CACNB4: variants seen among roughly 807,000 people sequenced by gnomAD.
CACNB4 encodes calcium voltage-gated channel auxiliary subunit beta 4.
A neutral mutation model predicts 71.2 loss-of-function variants in CACNB4; 32 were observed. That is an observed-to-expected ratio of 0.45 (90% CI 0.34 to 0.60). The LOEUF is 0.60. Among genes scored for constraint, CACNB4 ranks in the 20% least tolerant of loss-of-function variants. CACNB4 has a pLI of 0.01. For synonymous variants in CACNB4, 231 were observed against 236.9 expected, an observed-to-expected ratio of 0.97 and a Z score of 0.23; for missense variants, 464 against 647.9, an observed-to-expected ratio of 0.72 and a Z score of 3.08.
chr2:152,087,971 T>C (rs1156889452), intron 2 of CACNB4, among the ~76,000 whole-genome samples: 1 of 152,072 alleles, frequency 6.6e-6, no homozygotes, highest in Non-Finnish European at 1.5e-5. Context: ...TTATATAAAA[T>C]GTCCAGAGTG....
At chr2:152,083,350 AAGGG>A (rs1285558682) in intron 2 of CACNB4, among the ~76,000 whole-genome samples, 4 of 98,964 alleles carry the variant, frequency 4.0e-5, no homozygotes. Flanking sequence ...GGAAGGAAGG[AAGGG>A]AGGAAGGAAG....
At chr2:151,957,333 T>C (rs1461376586) in intron 2 of CACNB4, among the ~76,000 whole-genome samples, 1 of 147,290 alleles carries the variant, frequency 6.8e-6, no homozygotes, top group South Asian at 2.2e-4. Context: ...ATATATTGTG[T>C]TCAATCATTT....
At chr2:152,051,437 CAT>C in intron 2 of CACNB4, among the ~76,000 whole-genome samples, 1 of 152,098 alleles carries the variant, frequency 6.6e-6, no homozygotes, top group East Asian at 1.9e-4. Context: ...CCACAAAATA[CAT>C]ATGTTAAGCC....
At chr2:152,064,412 G>A (rs533151673) in intron 2 of CACNB4, among the ~76,000 whole-genome samples, 4 of 152,210 alleles carry the variant, frequency 2.6e-5, no homozygotes, top group East Asian at 3.9e-4. Flanking sequence ...ACGGAGTCTC[G>A]CTCTGTCACA....
chr2:151,927,312 A>G (rs1440275144), intron 2 of CACNB4, among the ~76,000 whole-genome samples: 1 of 152,228 alleles, frequency 6.6e-6, no homozygotes, highest in African/African-American at 2.4e-5. Flanking sequence ...GAGCAGGCAC[A>G]AGGAGATGAA....
chr2:151,902,023 C>T (rs985701084), intron 2 of CACNB4, among the ~76,000 whole-genome samples: 2 of 130,650 alleles, frequency 1.5e-5, no homozygotes, highest in Admixed American at 8.3e-5. Context: ...GTGGGTAACA[C>T]AACATCACCT....
intron 2 of CACNB4, among the ~76,000 whole-genome samples, chr2:152,074,499 TCAC>T: frequency 6.7e-6 from 1 of 149,472 alleles, no homozygotes. Context: ...CTCTCCGCCA[TCAC>T]CACCATTACC....
intron 2 of CACNB4, among the ~76,000 whole-genome samples, chr2:151,885,213 C>G (rs1417669597): frequency 6.6e-6 from 1 of 152,218 alleles, no homozygotes; most frequent in Non-Finnish European, 1.5e-5. Context: ...ATAGAAGTTA[C>G]TGGACCACTC....
At chr2:151,971,498 C>T (rs1268310253) in intron 2 of CACNB4, 2 of 702,696 alleles carry the variant, frequency 2.8e-6, no homozygotes, top group Non-Finnish European at 5.2e-6. Flanking sequence ...ATCCACCAGA[C>T]CTGTTCCGAG....
At position 151,876,380 on chromosome 2, in the gene CACNB4, C is replaced by T. The variant is rs749783946; in HGVS notation, c.521+46G>A. The T allele has an allele frequency of 2.1e-5, 33 of 1,555,204 alleles. No individual in the cohort carries two copies. In the Admixed American group the frequency reaches 3.2e-4, roughly 15 times the overall value. On this transcript the variant is annotated intron_variant, in intron 5 of 13. Coordinates refer to ENST00000539935, the MANE Select transcript of CACNB4 (RefSeq NM_000726.5). ...AGTATACACCCTTGAAAATATCACC[C>T]AATTTTCTGACCAAAAAAAAGTGCA...
chr2:152,094,261 C>T (rs1159410477), intron 2 of CACNB4, among the ~76,000 whole-genome samples: 1 of 152,150 alleles, frequency 6.6e-6, no homozygotes, highest in Non-Finnish European at 1.5e-5. Context: ...GTTAACTAGG[C>T]AGAAGGAAGG....
intron 2 of CACNB4, among the ~76,000 whole-genome samples, chr2:151,887,181 G>A (rs566903892): frequency 6.6e-6 from 1 of 152,336 alleles, no homozygotes; most frequent in Non-Finnish European, 1.5e-5. Flanking sequence ...AGACCTGATG[G>A]AAGCCCCATG....
At chr2:152,038,577 T>C (rs1684715460) in intron 2 of CACNB4, among the ~76,000 whole-genome samples, 1 of 152,226 alleles carries the variant, frequency 6.6e-6, no homozygotes, top group African/African-American at 2.4e-5. Flanking sequence ...AAAGGCCCAC[T>C]ACTCTGCTGC....
intron 2 of CACNB4, among the ~76,000 whole-genome samples, chr2:151,982,309 T>C (rs760029525): frequency 3.3e-5 from 5 of 152,108 alleles, no homozygotes; most frequent in Non-Finnish European, 7.3e-5. Context: ...GAAAGTCATG[T>C]GTCCAACTTA....
chr2:151,872,634 C>G (rs1422216172), intron 5 of CACNB4, 141 bp from the exon 6 acceptor site: 1 of 553,056 alleles, frequency 1.8e-6, no homozygotes, highest in Non-Finnish European at 3.2e-6. Flanking sequence ...TTTCAAGAAT[C>G]TATCCAAATG....
chr2:151,924,102 A>G (rs1201637578), intron 2 of CACNB4, among the ~76,000 whole-genome samples: 11 of 91,538 alleles, frequency 1.2e-4, no homozygotes, highest in South Asian at 3.7e-4. Context: ...TTTTTGAGAC[A>G]GAGTCTCGCT....
chr2:152,086,965 C>G lies in CACNB4; in HGVS notation c.147+11365G>C, dbSNP rs187485208. Among the ~76,000 whole-genome samples the G allele has an allele frequency of 6.6e-5, 10 of 152,208 alleles. No individual in the cohort carries two copies. The East Asian group carries it at 1.9e-3, about 29-fold the overall frequency. On this transcript the variant is annotated intron_variant, in intron 2 of 13. Transcript: ENST00000539935. ...GACCAACATGGAGAAACCCACATCT[C>G]TACTAAAAAATACAAAATTAGCCGG...
chr2:151,869,104 G>T, intron 9 of CACNB4, 73 bp downstream of exon 9: 2 of 852,170 alleles, frequency 2.3e-6, no homozygotes, highest in South Asian at 1.5e-5. Context: ...TGGAAACATA[G>T]ATCTACAATT....
chr2:151,891,275 T>C (rs2099850657), intron 2 of CACNB4, among the ~76,000 whole-genome samples: 1 of 152,172 alleles, frequency 6.6e-6, no homozygotes, highest in African/African-American at 2.4e-5. Flanking sequence ...AGAATTTTAA[T>C]TGACCCCACA....
Sources: allele counts gnomAD v4.1 joint callset (sites outside exome capture counted in the v4.1 genomes callset), GRCh38; gene constraint gnomAD v4.1.1; transcripts MANE v1.5; gene names NCBI Gene and HGNC (gene_info 2026-07-23, HGNC 2026-07-21).